Variants in ENTPD1 observed in about 807,000 individuals in gnomAD.
The protein encoded by ENTPD1 is ATP diphosphohydrolase.
A neutral mutation model predicts 57.0 loss-of-function variants in ENTPD1; 33 were observed. The observed-to-expected ratio is 0.58, with a 90% CI of 0.44 to 0.77. ENTPD1 has a LOEUF of 0.77. Among genes scored for constraint, ENTPD1 ranks in the 30% least tolerant of loss-of-function variants. The pLI is 0.00. For missense variants in ENTPD1, 501 were observed against 603.4 expected, an observed-to-expected ratio of 0.83 and a Z score of 1.78; for synonymous variants, 202 against 218.8, an observed-to-expected ratio of 0.92 and a Z score of 0.68.
the ENTPD1 span, among the ~76,000 whole-genome samples, chr10:95,700,795 CTTT>C: frequency 2.8e-5 from 4 of 144,180 alleles, no homozygotes; most frequent in Non-Finnish European, 3.1e-5. Flanking sequence ...GAAGTATATT[CTTT>C]TTTTTTTTTT....
intron 2 of ENTPD1, among the ~76,000 whole-genome samples, chr10:95,838,312 C>G (rs1411733327): frequency 6.6e-6 from 1 of 152,112 alleles, no homozygotes; most frequent in East Asian, 1.9e-4. Context: ...TGGATAGATA[C>G]CCCCAAAGAA....
chr10:95,702,404 A>G, the ENTPD1 span, among the ~76,000 whole-genome samples: 2 of 152,302 alleles, frequency 1.3e-5, no homozygotes, highest in Non-Finnish European at 2.9e-5. Flanking sequence ...AGCAGAGGGC[A>G]GGATTAGTGA....
chr10:95,825,183 A>C (rs2098369814), intron 2 of ENTPD1, among the ~76,000 whole-genome samples: 5 of 152,226 alleles, frequency 3.3e-5, no homozygotes. Context: ...AGTGCTCAAT[A>C]GCCATACATG....
intron 4 of ENTPD1, among the ~76,000 whole-genome samples, chr10:95,843,558 A>AGTG (rs1299872563): frequency 6.6e-6 from 1 of 152,248 alleles, no homozygotes; most frequent in East Asian, 1.9e-4. Context: ...ACACCTGGGA[A>AGTG]GTGGTGGAGC....
chr10:95,751,535 A>G (rs142812272), upstream of ENTPD1, among the ~76,000 whole-genome samples: 5 of 152,168 alleles, frequency 3.3e-5, no homozygotes, highest in African/African-American at 7.2e-5. Flanking sequence ...GCTGGACCAC[A>G]TGGCAAAACC....
At chr10:95,747,818 G>GTT (rs917688942) in intron 1 of ENTPD1, among the ~76,000 whole-genome samples, 1 of 151,254 alleles carries the variant, frequency 6.6e-6, no homozygotes, top group African/African-American at 2.4e-5. Flanking sequence ...TGGTTTAACA[G>GTT]TTTTTTTTGG....
intron 7 of ENTPD1, among the ~76,000 whole-genome samples, chr10:95,849,086 T>C (rs543283656): frequency 1.3e-5 from 2 of 152,304 alleles, no homozygotes; most frequent in South Asian, 4.1e-4. Context: ...ATAACATCAT[T>C]GTCATTATGT....
At chr10:95,790,979 A>C (rs1191458095) in intron 1 of ENTPD1, among the ~76,000 whole-genome samples, 1 of 152,222 alleles carries the variant, frequency 6.6e-6, no homozygotes, top group African/African-American at 2.4e-5. Context: ...TTTGCTAACA[A>C]TACGTAGCTT....
chr10:95,734,930 T>G (rs2097992956), intron 1 of ENTPD1, among the ~76,000 whole-genome samples: 1 of 152,230 alleles, frequency 6.6e-6, no homozygotes, highest in Non-Finnish European at 1.5e-5. Context: ...ATTTCTGTTT[T>G]TCATGGAAGA....
chr10:95,796,714 G>T (rs2098227494), intron 1 of ENTPD1, among the ~76,000 whole-genome samples: 4 of 152,162 alleles, frequency 2.6e-5, no homozygotes, highest in Admixed American at 2.0e-4. Flanking sequence ...TAGATGATGT[G>T]TTGGAAGGGG....
At position 95,870,279 on chromosome 10, in the gene ENTPD1, TTAAAA is replaced by T. The variant is rs2098478990; in HGVS notation, c.*3901_*3905del. 2 of 984,682 alleles carry T rather than the reference TTAAAA, an allele frequency of 2.0e-6. No individual in the cohort carries two copies. Among genetic ancestry groups the T allele is most frequent in the Middle Eastern group, 5.2e-4 (1 of 1,910 alleles). The allele number at this position is 984,682 out of a possible 1,614,324, so 61.0% of individuals were successfully genotyped here. A position where few individuals can be genotyped will look rare whatever the true frequency, so the allele number is the denominator to read the frequency against. Reference sequence around the variant, plus strand: ...CATACTCAAAATGTAAATTTGAATATTAAAATAAAGATGATTTTTTTTTTGGAGCT... The same window carrying T: ...CATACTCAAAATGTAAATTTGAATATTAAAGATGATTTTTTTTTTGGAGCT... On this transcript the variant is annotated 3_prime_UTR_variant, in exon 10 of 10. Coordinates refer to ENST00000371205, the MANE Select transcript of ENTPD1 (RefSeq NM_001776.6).
Position 95,760,811 on chromosome 10 carries a change from A to AT in ENTPD1, c.16+4558dup, listed in dbSNP as rs1399145317. 3.5e-4 allele frequency among the ~76,000 whole-genome samples: 17 copies of AT among 48,384 alleles called. 1 individual carries two copies. The highest frequency in any genetic ancestry group is 7.3e-4 in the South Asian group (1 of 1,370). 31.7% of individuals were successfully genotyped at this position (48,384 alleles called of 152,430 possible). A position where few individuals can be genotyped will look rare whatever the true frequency, so the allele number is the denominator to read the frequency against. ...GCCTGGAGTAAATTACATAGAGTTTATTCTTTTTTTTTTTTTTTTTTTTTT... is the reference window on the plus strand; with the variant it reads ...GCCTGGAGTAAATTACATAGAGTTTATTTCTTTTTTTTTTTTTTTTTTTTTT... On this transcript the variant is annotated intron_variant, in intron 1 of 9. Coordinates refer to ENST00000371205, the MANE Select transcript of ENTPD1 (RefSeq NM_001776.6).
intron 1 of ENTPD1, among the ~76,000 whole-genome samples, chr10:95,715,998 G>C (rs761408593): frequency 1.3e-5 from 2 of 152,026 alleles, no homozygotes; most frequent in Non-Finnish European, 1.5e-5. Context: ...CTGAGTAGCC[G>C]GGACTACAGA....
rs1325278236 is a variant in ENTPD1, at chr10:95,874,851, G to T, written c.*8468G>T. Among the ~76,000 whole-genome samples the T allele has an allele frequency of 1.3e-5, 2 of 152,220 alleles. No homozygotes were observed. The highest frequency in any genetic ancestry group is 3.8e-4 in the East Asian group (2 of 5,198). Reference sequence around the variant, plus strand: ...ATCACATGGAAGCTGCCAATGCTTGGGGCCTCTACCCTCTGAAGCCACAGC... The same window carrying T: ...ATCACATGGAAGCTGCCAATGCTTGTGGCCTCTACCCTCTGAAGCCACAGC... On this transcript the variant is annotated 3_prime_UTR_variant, in exon 10 of 10. Coordinates refer to ENST00000371205, the MANE Select transcript of ENTPD1 (RefSeq NM_001776.6).
chr10:95,719,738 G>C (rs1430079679), intron 1 of ENTPD1, among the ~76,000 whole-genome samples: 1 of 150,448 alleles, frequency 6.6e-6, no homozygotes, highest in African/African-American at 2.5e-5. Flanking sequence ...AGAGTGTCCA[G>C]GTATGAGAAT....
intron 1 of ENTPD1, among the ~76,000 whole-genome samples, chr10:95,729,292 G>C (rs1302169182): frequency 6.6e-6 from 1 of 152,200 alleles, no homozygotes; most frequent in East Asian, 1.9e-4. Context: ...TACCTATATG[G>C]AAAGTGGCTT....
intron 9 of ENTPD1, 63 bp from the exon 10 acceptor site, chr10:95,866,114 A>T: frequency 1.3e-6 from 2 of 1,555,024 alleles, no homozygotes. Context: ...AATAATTCTA[A>T]GCCCTAGGTG....
At chr10:95,757,592 G>A (rs1448484970) in intron 1 of ENTPD1, among the ~76,000 whole-genome samples, 4 of 152,140 alleles carry the variant, frequency 2.6e-5, no homozygotes, top group Admixed American at 6.5e-5. Context: ...TCCTCATTTG[G>A]TGCTCATGGC....
chr10:95,809,075 G>T (rs1315287641), intron 1 of ENTPD1, among the ~76,000 whole-genome samples: 2 of 152,182 alleles, frequency 1.3e-5, no homozygotes, highest in African/African-American at 4.8e-5. Flanking sequence ...CAAGGCAGAA[G>T]AATTTTTCTT....
Sources: allele counts gnomAD v4.1 joint callset (sites outside exome capture counted in the v4.1 genomes callset), GRCh38; gene constraint gnomAD v4.1.1; transcripts MANE v1.5; gene names NCBI Gene and HGNC (gene_info 2026-07-23, HGNC 2026-07-21).